DLG2: variants seen among roughly 807,000 people sequenced by gnomAD.
DLG2 encodes disks large homolog 2.
DLG2 carries 45 observed loss-of-function variants against 132.5 expected under a neutral mutation model. That is an observed-to-expected ratio of 0.34 (90% CI 0.27 to 0.44). The LOEUF is 0.44. Ranked by LOEUF, DLG2 falls within the 20% of genes least tolerant of loss-of-function variation. DLG2 has a pLI of 1.00. For missense variants in DLG2, 1,045 were observed against 1,196.9 expected (o/e 0.87, Z 1.87); for synonymous variants, 424 against 419.6 (o/e 1.01, Z -0.13).
rs373717753 is a variant in DLG2, at chr11:84,146,645, A to C, written c.624+16816T>G. On this transcript the variant is annotated intron_variant, in intron 9 of 27. Coordinates refer to ENST00000376104, the MANE Select transcript of DLG2 (RefSeq NM_001142699.3). ...CAGGCTGTGGCAATATGACCCTAGG[A>C]CATGACCTACCTGACAACTTCAGAA... 3.9e-5 allele frequency among the ~76,000 whole-genome samples: 6 copies of C among 152,182 alleles called. No homozygotes were observed. In the East Asian group the frequency reaches 1.2e-3, roughly 29 times the overall value.
chr11:84,548,921 T>A (rs1347963154), intron 6 of DLG2, among the ~76,000 whole-genome samples: 3 of 152,218 alleles, frequency 2.0e-5, no homozygotes, highest in Non-Finnish European at 4.4e-5. Context: ...TCTGGATGAC[T>A]ATTACTTTCA....
At chr11:84,130,056 T>C (rs2094351347) in intron 9 of DLG2, among the ~76,000 whole-genome samples, 2 of 152,050 alleles carry the variant, frequency 1.3e-5, no homozygotes, top group Admixed American at 1.3e-4. Flanking sequence ...ATAAAGCTAT[T>C]CCCTAACTTT....
chr11:83,466,193 T>C (rs2091006033), intron 26 of DLG2, among the ~76,000 whole-genome samples: 1 of 152,182 alleles, frequency 6.6e-6, no homozygotes, highest in African/African-American at 2.4e-5. Flanking sequence ...AGAATTCTAT[T>C]AGAGAACCAA....
At chr11:85,136,394 T>C (rs1310374423) in intron 5 of DLG2, among the ~76,000 whole-genome samples, 1 of 152,184 alleles carries the variant, frequency 6.6e-6, no homozygotes, top group Non-Finnish European at 1.5e-5. Context: ...TCCTCAGATA[T>C]AAAGATGATA....
intron 8 of DLG2, among the ~76,000 whole-genome samples, chr11:84,213,688 G>C (rs1006848250): frequency 6.6e-6 from 1 of 151,766 alleles, no homozygotes; most frequent in African/African-American, 2.4e-5. Flanking sequence ...GCGTGGTGGC[G>C]GGCACCTGTA....
Position 84,792,350 on chromosome 11 carries a change from A to AT in DLG2, c.358-257620dup, listed in dbSNP as rs34584192. ...TTGGTTTGCTAGTATTTTGCTGAGT[A>AT]TTTTTGCATCAATATTCATCAGGAA... On this transcript the variant is annotated intron_variant, in intron 6 of 27. Transcript: ENST00000376104. Among the ~76,000 whole-genome samples the AT allele has an allele frequency of 9.1e-3, 1,391 of 152,090 alleles. 17 individuals are homozygous for AT. Among genetic ancestry groups the AT allele is most frequent in the Non-Finnish European group, 0.012 (849 of 67,950 alleles).
chr11:84,005,784 C>T (rs2154054943), intron 11 of DLG2, among the ~76,000 whole-genome samples: 1 of 151,824 alleles, frequency 6.6e-6, no homozygotes, highest in South Asian at 2.1e-4. Flanking sequence ...TCATCTTATC[C>T]CAGGTAGAAT....
chr11:83,553,502 G>A (rs1291067689), intron 19 of DLG2, among the ~76,000 whole-genome samples: 1 of 149,512 alleles, frequency 6.7e-6, no homozygotes, highest in Non-Finnish European at 1.5e-5. Context: ...GTGTGTGTGT[G>A]TGTGTGTGTG....
chr11:85,470,872 C>T (rs934951430), intron 3 of DLG2, among the ~76,000 whole-genome samples: 11 of 152,136 alleles, frequency 7.2e-5, no homozygotes, highest in Admixed American at 6.5e-4. Flanking sequence ...AGAGATATAC[C>T]TTCCTGGATG....
chr11:83,761,712 A>G (rs775032663), intron 18 of DLG2, among the ~76,000 whole-genome samples: 1 of 152,014 alleles, frequency 6.6e-6, no homozygotes, highest in African/African-American at 2.4e-5. Context: ...GCTTCCCCCT[A>G]TTGGATCACC....
intron 8 of DLG2, among the ~76,000 whole-genome samples, chr11:84,226,943 G>A (rs1182095120): frequency 6.6e-6 from 1 of 151,954 alleles, no homozygotes; most frequent in East Asian, 1.9e-4. Context: ...AAAATTAGCT[G>A]GGTGTGGTGG....
At chr11:84,251,167 T>C (rs2097366806) in intron 8 of DLG2, 71 bp downstream of exon 8, 7 of 951,874 alleles carry the variant, frequency 7.4e-6, no homozygotes, top group Non-Finnish European at 1.1e-5. Flanking sequence ...TAAATGTGAA[T>C]TGAATTTAAA....
At chr11:84,770,235 C>G (rs1167195078) in intron 6 of DLG2, among the ~76,000 whole-genome samples, 1 of 152,176 alleles carries the variant, frequency 6.6e-6, no homozygotes, top group African/African-American at 2.4e-5. Flanking sequence ...GAGGCCTCCT[C>G]AGAAGCTGAG....
At chr11:84,309,767 A>T (rs1464037979) in intron 7 of DLG2, among the ~76,000 whole-genome samples, 1 of 152,218 alleles carries the variant, frequency 6.6e-6, no homozygotes, top group Non-Finnish European at 1.5e-5. Flanking sequence ...ACATAGGGAG[A>T]TAGAACGTTT....
intron 5 of DLG2, among the ~76,000 whole-genome samples, chr11:85,115,488 A>T (rs1281187114): frequency 1.3e-5 from 2 of 152,144 alleles, no homozygotes; most frequent in East Asian, 1.9e-4. Flanking sequence ...GTTATAAAGC[A>T]ATATTACTGA....
chr11:84,729,467 T>C (rs1262319888), intron 6 of DLG2, among the ~76,000 whole-genome samples: 2 of 152,290 alleles, frequency 1.3e-5, no homozygotes, highest in East Asian at 1.9e-4. Flanking sequence ...TTCCGTTCTT[T>C]TGCATTTGCT....
chr11:84,822,971 A>G (rs1351072548), intron 6 of DLG2, among the ~76,000 whole-genome samples: 2 of 151,938 alleles, frequency 1.3e-5, no homozygotes, highest in Admixed American at 6.6e-5. Flanking sequence ...TAGTTTTGAT[A>G]TATCAGTTTC....
chr11:85,215,563 T>C (rs963119593), intron 4 of DLG2, among the ~76,000 whole-genome samples: 1 of 152,130 alleles, frequency 6.6e-6, no homozygotes, highest in African/African-American at 2.4e-5. Context: ...TGATTTTTAA[T>C]TATAGGAGAC....
At chr11:83,838,617 C>A (rs1175991644) in intron 16 of DLG2, among the ~76,000 whole-genome samples, 4 of 152,148 alleles carry the variant, frequency 2.6e-5, no homozygotes, top group Admixed American at 2.6e-4. Context: ...GGAAAATTTG[C>A]ATGAAATATG....
Sources: allele counts gnomAD v4.1 joint callset (sites outside exome capture counted in the v4.1 genomes callset), GRCh38; gene constraint gnomAD v4.1.1; transcripts MANE v1.5; gene names NCBI Gene and HGNC (gene_info 2026-07-23, HGNC 2026-07-21).